Variants in PTPRG observed in about 807,000 individuals in gnomAD.
The protein encoded by PTPRG is receptor-type tyrosine-protein phosphatase gamma.
Under a neutral mutation model 165.3 loss-of-function variants are expected in PTPRG, and 102 were observed. That is an observed-to-expected ratio of 0.62 (90% CI 0.53 to 0.73). The LOEUF (loss-of-function observed/expected upper bound fraction) is 0.73. Among genes scored for constraint, PTPRG ranks in the 30% least tolerant of loss-of-function variants. The pLI, the probability that PTPRG is intolerant of heterozygous loss-of-function variation, is 0.00. For missense variants in PTPRG, 1,866 were observed against 1,861.4 expected, an observed-to-expected ratio of 1.00 and a Z score of -0.05; for synonymous variants, 675 against 669.5, an observed-to-expected ratio of 1.01 and a Z score of -0.13.
intron 1 of PTPRG, among the ~76,000 whole-genome samples, chr3:61,580,180 A>G (rs527471305): frequency 6.6e-6 from 1 of 152,232 alleles, no homozygotes; most frequent in South Asian, 2.1e-4. Flanking sequence ...GCACGGTGGA[A>G]CCTGTAATCC....
chr3:61,871,281 G>A (rs575337190), intron 2 of PTPRG, among the ~76,000 whole-genome samples: 1 of 152,100 alleles, frequency 6.6e-6, no homozygotes, highest in Admixed American at 6.6e-5. Flanking sequence ...AGGCTGGAGT[G>A]CAGTGGCACA....
chr3:61,759,398 T>C (rs2033754094), intron 2 of PTPRG, among the ~76,000 whole-genome samples: 1 of 152,166 alleles, frequency 6.6e-6, no homozygotes, highest in Non-Finnish European at 1.5e-5. Flanking sequence ...CTCACACCTG[T>C]AATCTCAACA....
rs116427487 is a variant in PTPRG, at chr3:62,031,526, A to G, written c.519+28029A>G. ...GAGTTTGGATTTTATTTTAAGGGAG[A>G]TGAGAATCCTTCGAAGCGTTCTGAA... On this transcript the variant is annotated intron_variant, in intron 4 of 29. Transcript: ENST00000474889. Among the ~76,000 whole-genome samples the G allele has an allele frequency of 6.7e-3, 1,015 of 152,276 alleles. 15 individuals carry two copies. The highest frequency in any genetic ancestry group is 0.023 in the African/African-American group (935 of 41,548).
intron 27 of PTPRG, 66 bp from the exon 28 acceptor site, chr3:62,282,661 C>G: frequency 1.3e-6 from 2 of 1,499,258 alleles, no homozygotes; most frequent in Non-Finnish European, 1.8e-6. Flanking sequence ...GGAGCAAGTT[C>G]TAGTCATTAG....
At chr3:62,074,211 G>GTGTA (rs923780031) in intron 4 of PTPRG, among the ~76,000 whole-genome samples, 1 of 150,806 alleles carries the variant, frequency 6.6e-6, no homozygotes, top group Non-Finnish European at 1.5e-5. Flanking sequence ...GTGTGTGTGT[G>GTGTA]TATACAGAGA....
chr3:62,271,256 A>C lies in PTPRG; in HGVS notation c.3010-127A>C. On this transcript the variant is annotated intron_variant, in intron 20 of 29. Transcript: ENST00000474889. This position sits in a 1 kb window ranked among gnomAD's most constrained non-coding sequence, Gnocchi z 4.1. ...TGAAAGTTGGCTACAAGGGGGAATA[A>C]CCTAGCCTGGGAACAGTGATTAGGG... The C allele has an allele frequency of 1.3e-6, 1 of 776,514 alleles. No individual in the cohort carries two copies. The highest frequency in any genetic ancestry group is 2.0e-6 in the Non-Finnish European group (1 of 507,702). The allele number at this position is 776,514 out of a possible 1,614,324, so 48.1% of individuals were successfully genotyped here.
Position 62,281,552 on chromosome 3 carries a change from G to GTTTTTTA in PTPRG, c.3766-11_3766-10insTTTTTTA. 5.0e-6 allele frequency: 1 copy of GTTTTTTA among 199,706 alleles called. No individual in the cohort carries two copies. The allele number at this position is 199,706 out of a possible 1,614,324, so 12.4% of individuals were successfully genotyped here. ...AACTGCAGAGGCTTTTTTTTTTTTT[G>GTTTTTTA]GATTCCAAAGGCAGAAGATGAGTTT... On this transcript the variant is annotated splice_polypyrimidine_tract_variant and intron_variant, in intron 26 of 29. Transcript: ENST00000474889.
At chr3:61,613,606 G>A (rs1315908722) in intron 1 of PTPRG, among the ~76,000 whole-genome samples, 2 of 152,206 alleles carry the variant, frequency 1.3e-5, no homozygotes, top group Non-Finnish European at 1.5e-5. Flanking sequence ...ATCTGTGTGG[G>A]AGAGATTCTC....
chr3:62,173,739 C>T (rs186974736), intron 8 of PTPRG, among the ~76,000 whole-genome samples: 5 of 150,456 alleles, frequency 3.3e-5, no homozygotes, highest in Admixed American at 2.6e-4. Flanking sequence ...TATAGCTCCC[C>T]GCCTCCTCTG....
chr3:61,705,872 G>A (rs2031224769), intron 1 of PTPRG, among the ~76,000 whole-genome samples: 1 of 152,118 alleles, frequency 6.6e-6, no homozygotes, highest in African/African-American at 2.4e-5. Context: ...TTTATCTTTT[G>A]CTTTTGACCT....
At chr3:61,914,443 C>A (rs983087499) in intron 2 of PTPRG, among the ~76,000 whole-genome samples, 1 of 152,198 alleles carries the variant, frequency 6.6e-6, no homozygotes, top group African/African-American at 2.4e-5. Context: ...TAGCTCCTTG[C>A]CATCTGGTAG....
intron 2 of PTPRG, among the ~76,000 whole-genome samples, chr3:61,942,955 G>A (rs750210539): frequency 6.6e-6 from 1 of 152,182 alleles, no homozygotes; most frequent in Non-Finnish European, 1.5e-5. Flanking sequence ...TTCTCCCTAG[G>A]ATATGCAGGC....
At chr3:62,023,228 TAATG>T (rs1452606712) in intron 4 of PTPRG, among the ~76,000 whole-genome samples, 3 of 152,216 alleles carry the variant, frequency 2.0e-5, no homozygotes, top group African/African-American at 7.2e-5. Context: ...ATAAATATAT[TAATG>T]AACAGATATT....
chr3:61,842,293 G>C (rs1340850224), intron 2 of PTPRG, among the ~76,000 whole-genome samples: 7 of 152,132 alleles, frequency 4.6e-5, no homozygotes, highest in Non-Finnish European at 8.8e-5. Context: ...CATACACTTG[G>C]AAAGCTGTAA....
At chr3:61,932,933 T>A (rs2039396301) in intron 2 of PTPRG, among the ~76,000 whole-genome samples, 1 of 152,112 alleles carries the variant, frequency 6.6e-6, no homozygotes. Flanking sequence ...GGGGCTAGAA[T>A]AAATGAATGA....
rs1353314354 is a variant in PTPRG, at chr3:61,738,324, A to ATATGTGTATATATATATGTG, written c.86-10551_86-10550insGTGTATATATATATGTGTAT. On this transcript the variant is annotated intron_variant, in intron 1 of 29. Transcript: ENST00000474889. The stretch of plus-strand genomic sequence containing the variant: ...TATATATATATATACATATATATAT[A>ATATGTGTATATATATATGTG]TATATATATATATGTATATATATAT... Among the ~76,000 whole-genome samples the ATATGTGTATATATATATGTG allele has an allele frequency of 6.4e-5, 6 of 93,654 alleles. 1 individual carries two copies. Among genetic ancestry groups the ATATGTGTATATATATATGTG allele is most frequent in the Admixed American group, 3.6e-4 (3 of 8,382 alleles). The allele number at this position is 93,654 out of a possible 152,430, so 61.4% of individuals were successfully genotyped here. A position where few individuals can be genotyped will look rare whatever the true frequency, so the allele number is the denominator to read the frequency against.
intron 2 of PTPRG, among the ~76,000 whole-genome samples, chr3:61,840,809 G>A (rs1297307859): frequency 7.6e-6 from 1 of 130,976 alleles, no homozygotes; most frequent in Non-Finnish European, 1.6e-5. Flanking sequence ...TTTGAGATGA[G>A]GTCTTGCTCT....
At chr3:61,728,835 G>C (rs934791568) in intron 1 of PTPRG, among the ~76,000 whole-genome samples, 1 of 143,950 alleles carries the variant, frequency 6.9e-6, no homozygotes, top group Non-Finnish European at 1.5e-5. Context: ...CCACGAGTTC[G>C]AGCCCAGTCT....
chr3:61,643,011 G>A (rs1337374426), intron 1 of PTPRG, among the ~76,000 whole-genome samples: 4 of 152,248 alleles, frequency 2.6e-5, no homozygotes, highest in East Asian at 1.9e-4. Flanking sequence ...CAGAGGACAC[G>A]AAAACATGGT....
Sources: gnomAD v4.1 joint callset for allele counts (sites outside exome capture counted in the v4.1 genomes callset) on GRCh38, gnomAD v4.1.1 for gene constraint, Gnocchi (gnomAD v3.1) non-coding constraint, MANE v1.5 for transcripts, NCBI Gene and HGNC (gene_info 2026-07-23, HGNC 2026-07-21) for gene names.